The following COL21A1 variants were observed in gnomAD, a reference collection of about 807,000 sequenced individuals.
The protein encoded by COL21A1 is collagen type XXI alpha 1 chain, also known as collagen alpha-1(XXI) chain.
Under a neutral mutation model 137.9 loss-of-function variants are expected in COL21A1, and 149 were observed. The ratio of observed to expected loss-of-function variants is 1.08; its 90% CI spans 0.95 to 1.24. The LOEUF (loss-of-function observed/expected upper bound fraction) is 1.24. COL21A1 is among the 50% of genes most tolerant of loss of function. The pLI, the probability that COL21A1 is intolerant of heterozygous loss-of-function variation, is 0.00. For synonymous variants in COL21A1, 456 were observed against 391.5 expected, an observed-to-expected ratio of 1.16 and a Z score of -1.95; for missense variants, 1,167 against 1,158.4, an observed-to-expected ratio of 1.01 and a Z score of -0.11.
intron 5 of COL21A1, 87 bp downstream of exon 5, chr6:56,170,562 T>G: frequency 6.2e-6 from 5 of 803,706 alleles, no homozygotes; most frequent in Non-Finnish European, 9.7e-6. Context: ...ATGTTAAAAT[T>G]ATAGCCCTCT....
intron 3 of COL21A1, among the ~76,000 whole-genome samples, chr6:56,177,050 TAGAAGTAGTAGTAGAAAA>T (rs959094074): frequency 2.0e-5 from 3 of 150,922 alleles, no homozygotes; most frequent in African/African-American, 4.9e-5. Flanking sequence ...GAAGTAGTAG[TAGAAGTAGTAGTAGAAAA>T]AGAAGTAGTA....
At chr6:56,086,731 A>G (rs568889388) in intron 17 of COL21A1, among the ~76,000 whole-genome samples, 1 of 152,040 alleles carries the variant, frequency 6.6e-6, no homozygotes, top group Non-Finnish European at 1.5e-5. Context: ...TTTCTGCCCG[A>G]TTTTTTGCTT....
In COL21A1 at chr6:56,057,602, G is replaced by A; in HGVS notation, c.*55C>T. Reference sequence around the variant, plus strand: ...TTACTGTTGGTTATCTTCCTGAGATGCAAAAGACCACAGAAAAAGCACCAT... The same window carrying A: ...TTACTGTTGGTTATCTTCCTGAGATACAAAAGACCACAGAAAAAGCACCAT... On this transcript the variant is annotated 3_prime_UTR_variant, in exon 30 of 30. Coordinates refer to ENST00000244728, the MANE Select transcript of COL21A1 (RefSeq NM_030820.4). The A allele has an allele frequency of 3.3e-6, 5 of 1,535,010 alleles. No homozygotes were observed. In the South Asian group the frequency reaches 4.5e-5, roughly 14 times the overall value.
At chr6:56,205,992 A>T (rs949838826) in intron 1 of COL21A1, among the ~76,000 whole-genome samples, 1 of 152,216 alleles carries the variant, frequency 6.6e-6, no homozygotes, top group African/African-American at 2.4e-5. Context: ...AGCACTAAAC[A>T]TGGAGAGGAA....
chr6:56,108,729 C>T (rs1771163469), intron 16 of COL21A1, among the ~76,000 whole-genome samples: 1 of 151,738 alleles, frequency 6.6e-6, no homozygotes. Flanking sequence ...ATAAGATATT[C>T]AATAAGGTAG....
chr6:56,390,535 C>CACACACACACA (rs60083356), intron 1 of COL21A1, among the ~76,000 whole-genome samples: 1 of 148,838 alleles, frequency 6.7e-6, no homozygotes, highest in Non-Finnish European at 1.5e-5. Flanking sequence ...CACACACACA[C>CACACACACACA]GACCCTACTA....
chr6:56,202,663 T>A (rs987762296), intron 1 of COL21A1, among the ~76,000 whole-genome samples: 4 of 152,210 alleles, frequency 2.6e-5, no homozygotes, highest in African/African-American at 9.6e-5. Flanking sequence ...ACTGCTAGTT[T>A]CAGAGTCTGT....
intron 1 of COL21A1, among the ~76,000 whole-genome samples, chr6:56,258,965 A>G (rs1269430526): frequency 1.3e-5 from 2 of 152,216 alleles, no homozygotes; most frequent in African/African-American, 4.8e-5. Context: ...CATTATTAAC[A>G]TATTAAGGGC....
chr6:56,176,668 A>G (rs1777495850), intron 3 of COL21A1, among the ~76,000 whole-genome samples: 1 of 148,688 alleles, frequency 6.7e-6, no homozygotes, highest in Admixed American at 6.7e-5. Flanking sequence ...AGGAAGGAAG[A>G]GAAGGAGGGA....
chr6:56,217,942 G>A (rs191794455), intron 1 of COL21A1, among the ~76,000 whole-genome samples: 1 of 152,072 alleles, frequency 6.6e-6, no homozygotes, highest in East Asian at 1.9e-4. Context: ...TGTAAAAGGG[G>A]ATGGCAAGCC....
At chr6:56,205,581 A>G (rs1196987384) in intron 1 of COL21A1, among the ~76,000 whole-genome samples, 1 of 152,234 alleles carries the variant, frequency 6.6e-6, no homozygotes, top group Non-Finnish European at 1.5e-5. Context: ...ATCCAGGAGA[A>G]CTTCCCCAAC....
intron 1 of COL21A1, among the ~76,000 whole-genome samples, chr6:56,338,292 G>T (rs927859845): frequency 2.0e-5 from 3 of 152,016 alleles, no homozygotes; most frequent in Non-Finnish European, 4.4e-5. Flanking sequence ...CTCTTCCAGC[G>T]CTTTGGAGAA....
intron 1 of COL21A1, among the ~76,000 whole-genome samples, chr6:56,198,626 C>A (rs1336013970): frequency 6.6e-6 from 1 of 151,930 alleles, no homozygotes; most frequent in East Asian, 1.9e-4. Context: ...GCATACTAAG[C>A]AAACAAAAAG....
At chr6:56,077,645 C>A (rs949540705) in intron 17 of COL21A1, 72 bp from the exon 18 acceptor site, 2 of 879,438 alleles carry the variant, frequency 2.3e-6, no homozygotes, top group East Asian at 2.7e-5. Flanking sequence ...GAAACAGTCA[C>A]AATTGGAATT....
In COL21A1 at chr6:56,322,884, CAAA is replaced by C. The variant is rs386407164; in HGVS notation, c.-39+71084_-39+71086del. 3.4e-3 allele frequency among the ~76,000 whole-genome samples: 438 copies of C among 129,782 alleles called. 2 individuals carry two copies. Among genetic ancestry groups the C allele is most frequent in the African/African-American group, 0.013 (415 of 32,498 alleles). The allele number at this position is 129,782 out of a possible 152,430, so 85.1% of individuals were successfully genotyped here. ...ATGGATCAAAACCATCCTCTGCTAT[CAAA>C]AAAAAAAAAAAAAAGTCAAGTCATC... On this transcript the variant is annotated intron_variant, in intron 1 of 28. Transcript: ENST00000370819.
intron 16 of COL21A1, among the ~76,000 whole-genome samples, chr6:56,103,111 G>C (rs1770595695): frequency 6.6e-6 from 1 of 152,108 alleles, no homozygotes; most frequent in Admixed American, 6.6e-5. Context: ...CCTATTAGTA[G>C]TTCTCAAATA....
chr6:56,058,427 C>A (rs145720945), intron 29 of COL21A1, among the ~76,000 whole-genome samples: 1 of 152,064 alleles, frequency 6.6e-6, no homozygotes, highest in Non-Finnish European at 1.5e-5. Flanking sequence ...GCTAGCTTAC[C>A]ATACTGGCCT....
intron 12 of COL21A1, among the ~76,000 whole-genome samples, chr6:56,139,385 A>C (rs1774240195): frequency 6.6e-6 from 1 of 152,142 alleles, no homozygotes; most frequent in African/African-American, 2.4e-5. Flanking sequence ...AACAAGTGTG[A>C]TTTGGGAGGT....
intron 17 of COL21A1, chr6:56,091,602 AGCCATAAG>A (rs1768823918): frequency 6.6e-6 from 1 of 152,618 alleles, no homozygotes. Context: ...TTTCACTGTG[AGCCATAAG>A]GCTCCCTGTA....
Sources: allele counts gnomAD v4.1 joint callset (sites outside exome capture counted in the v4.1 genomes callset), GRCh38; gene constraint gnomAD v4.1.1; transcripts MANE v1.5; gene names NCBI Gene and HGNC (gene_info 2026-07-23, HGNC 2026-07-21).